The following HTR1F variants were observed in gnomAD, a reference collection of about 807,000 sequenced individuals.
The protein encoded by HTR1F is 5-hydroxytryptamine receptor 1F.
HTR1F carries 17 observed loss-of-function variants against 24.0 expected under a neutral mutation model. The observed-to-expected ratio is 0.71, with a 90% CI of 0.48 to 1.06. The LOEUF is 1.06. HTR1F is among the 50% of genes least tolerant of loss of function. The pLI, the probability that HTR1F is intolerant of heterozygous loss-of-function variation, is 0.00. For missense variants in HTR1F, 391 were observed against 427.8 expected, an observed-to-expected ratio of 0.91 and a Z score of 0.76; for synonymous variants, 186 against 156.8, an observed-to-expected ratio of 1.19 and a Z score of -1.39.
chr3:87,900,899 A>G (rs1431682783), intron 2 of HTR1F, among the ~76,000 whole-genome samples: 1 of 152,154 alleles, frequency 6.6e-6, no homozygotes, highest in African/African-American at 2.4e-5. Context: ...TTAAGTAGAT[A>G]GTTGTGTTTA....
chr3:87,805,248 C>T (rs1704054997), intron 1 of HTR1F, among the ~76,000 whole-genome samples: 1 of 151,646 alleles, frequency 6.6e-6, no homozygotes, highest in Admixed American at 6.6e-5. Flanking sequence ...TTATTCCCAC[C>T]TATTTGTTCC....
At chr3:87,820,471 C>T (rs1030860304) in intron 1 of HTR1F, among the ~76,000 whole-genome samples, 3 of 151,932 alleles carry the variant, frequency 2.0e-5, no homozygotes, top group Non-Finnish European at 2.9e-5. Context: ...CCACCGCGCC[C>T]GGCTCATGAC....
chr3:87,932,210 T>G lies in HTR1F; in HGVS notation c.-42-58498T>G, dbSNP rs1456635242. On this transcript the variant is annotated intron_variant, in intron 2 of 2. Coordinates refer to ENST00000319595, the MANE Select transcript of HTR1F (RefSeq NM_001322209.2). ...ATTTAAGTCTTTAATCCATCTTGAA[T>G]TAATTTTTGTATAAGGTGTAAGGAA... 2.0e-5 allele frequency among the ~76,000 whole-genome samples: 3 copies of G among 152,164 alleles called. No individual in the cohort carries two copies. The South Asian group carries it at 6.2e-4, about 31-fold the overall frequency.
rs1704280780 is a variant in HTR1F, at chr3:87,931,830, G to T, written c.-42-58878G>T. 1.3e-5 allele frequency among the ~76,000 whole-genome samples: 2 copies of T among 149,192 alleles called. 1 individual carries two copies. Among genetic ancestry groups the T allele is most frequent in the South Asian group, 4.3e-4 (2 of 4,700 alleles). On this transcript the variant is annotated intron_variant, in intron 2 of 2. Transcript: ENST00000319595. ...TGAGCATTTCTTCATGTGTCTTTTG[G>T]CTGCATAAATGTCTTCTTTTGAGAA...
chr3:87,970,084 C>G (rs1383700179), intron 2 of HTR1F, among the ~76,000 whole-genome samples: 1 of 152,144 alleles, frequency 6.6e-6, no homozygotes, highest in Non-Finnish European at 1.5e-5. Context: ...TACCCAGTCT[C>G]AGGTATGTCT....
intron 2 of HTR1F, among the ~76,000 whole-genome samples, chr3:87,968,916 C>A (rs909343392): frequency 6.6e-6 from 1 of 152,216 alleles, no homozygotes; most frequent in African/African-American, 2.4e-5. Context: ...TACTCGGCAT[C>A]CCAGCCACTC....
At position 87,990,742 on chromosome 3, in the gene HTR1F, C is replaced by A. The variant is rs1705802350; in HGVS notation, c.-8C>A. ...TTTCAGCTATATTAATCTTTTAAAA[C>A]AAAGAAAATGGATTTCTTAAATTCA... On this transcript the variant is annotated 5_prime_UTR_variant, in exon 3 of 3. Transcript: ENST00000319595. 1 of 1,599,342 alleles carries A rather than the reference C, an allele frequency of 6.3e-7. No individual in the cohort carries two copies. Among genetic ancestry groups the A allele is most frequent in the Non-Finnish European group, 8.6e-7 (1 of 1,168,582 alleles).
chr3:87,814,290 A>G (rs562892007), intron 1 of HTR1F, among the ~76,000 whole-genome samples: 2 of 152,242 alleles, frequency 1.3e-5, no homozygotes, highest in South Asian at 4.1e-4. Context: ...CAAAAATTGT[A>G]TATATATATG....
intron 2 of HTR1F, among the ~76,000 whole-genome samples, chr3:87,949,426 C>A (rs1704785750): frequency 1.3e-5 from 2 of 152,192 alleles, no homozygotes; most frequent in Non-Finnish European, 2.9e-5. Context: ...AGGACTCCTT[C>A]AGAAAGGCAG....
chr3:87,870,400 A>G (rs1705528468), intron 2 of HTR1F, among the ~76,000 whole-genome samples: 1 of 152,132 alleles, frequency 6.6e-6, no homozygotes. Context: ...CTTTACCAGG[A>G]CTTCAGAAAC....
chr3:87,898,014 A>G (rs1706239112), intron 2 of HTR1F, among the ~76,000 whole-genome samples: 1 of 152,166 alleles, frequency 6.6e-6, no homozygotes, highest in South Asian at 2.1e-4. Flanking sequence ...AAGCAGATGA[A>G]TAGATCAAAG....
chr3:87,807,280 GTGT>G (rs1364914754), intron 1 of HTR1F, among the ~76,000 whole-genome samples: 6 of 151,824 alleles, frequency 4.0e-5, no homozygotes, highest in Non-Finnish European at 8.8e-5. Context: ...CTTTCCCTTC[GTGT>G]TGTTTTTAAT....
At chr3:87,956,799 C>T (rs1339299635) in intron 2 of HTR1F, among the ~76,000 whole-genome samples, 1 of 151,172 alleles carries the variant, frequency 6.6e-6, no homozygotes, top group Non-Finnish European at 1.5e-5. Flanking sequence ...TATAAAACTA[C>T]AATTGATTTT....
chr3:87,851,365 T>G (rs1705082850), intron 2 of HTR1F, among the ~76,000 whole-genome samples: 1 of 148,714 alleles, frequency 6.7e-6, no homozygotes, highest in Non-Finnish European at 1.5e-5. Context: ...GTCATGTGTA[T>G]TTTTTTAACT....
At chr3:87,914,356 C>T (rs1377731460) in intron 2 of HTR1F, among the ~76,000 whole-genome samples, 3 of 152,130 alleles carry the variant, frequency 2.0e-5, no homozygotes, top group Non-Finnish European at 2.9e-5. Context: ...GGCCAGAACT[C>T]GGCAGAGGGC....
rs191797735 is a variant in HTR1F, at chr3:87,992,574, T to A, written c.*724T>A. 1.5e-3 allele frequency: 243 copies of A among 167,170 alleles called. No individual in the cohort carries two copies. The highest frequency in any genetic ancestry group is 8.8e-4 in the Non-Finnish European group (60 of 68,074). 10.4% of individuals were successfully genotyped at this position (167,170 alleles called of 1,614,324 possible). On this transcript the variant is annotated 3_prime_UTR_variant, in exon 3 of 3. Coordinates refer to ENST00000319595, the MANE Select transcript of HTR1F (RefSeq NM_001322209.2). ...TTATCAGCATTTGAAATCAAAGCCT[T>A]ACCTTAGTAACAATAACTCAACAAA...
intron 1 of HTR1F, among the ~76,000 whole-genome samples, chr3:87,816,270 T>C (rs1704248692): frequency 6.6e-6 from 1 of 152,096 alleles, no homozygotes; most frequent in Admixed American, 6.5e-5. Flanking sequence ...AGAAACTATT[T>C]CTTGAAATAT....
chr3:87,814,406 T>C (rs1704213551), intron 1 of HTR1F, among the ~76,000 whole-genome samples: 1 of 152,148 alleles, frequency 6.6e-6, no homozygotes, highest in Non-Finnish European at 1.5e-5. Flanking sequence ...TCTTAAAATC[T>C]CTCTTAGCAA....
At chr3:87,798,129 C>A (rs1703935135) in intron 1 of HTR1F, among the ~76,000 whole-genome samples, 1 of 152,132 alleles carries the variant, frequency 6.6e-6, no homozygotes, top group African/African-American at 2.4e-5. Flanking sequence ...TCACTCTCAT[C>A]AAATCTTTCT....
Sources: gnomAD v4.1 joint callset for allele counts (sites outside exome capture counted in the v4.1 genomes callset) on GRCh38, gnomAD v4.1.1 for gene constraint, MANE v1.5 for transcripts, NCBI Gene and HGNC (gene_info 2026-07-23, HGNC 2026-07-21) for gene names.